Variants in PCDHA5 observed in about 807,000 individuals in gnomAD.
PCDHA5 encodes the protein protocadherin alpha 5.
In PCDHA5, 43 loss-of-function variants were observed where a neutral mutation model predicts 61.6. The observed-to-expected ratio is 0.70, with a 90% CI of 0.55 to 0.90. PCDHA5 has a LOEUF of 0.90. Among genes scored for constraint, PCDHA5 ranks in the 40% least tolerant of loss-of-function variants. The pLI is 0.00. For missense variants in PCDHA5, 1,298 were observed against 1,222.7 expected (o/e 1.06, Z -0.92); for synonymous variants, 627 against 543.9 (o/e 1.15, Z -2.13).
At chr5:140,926,906 G>T in intron 1 of PCDHA5, 1 of 1,559,584 alleles carries the variant, frequency 6.4e-7, no homozygotes, top group Non-Finnish European at 8.7e-7. Context: ...GTGGGCTGTG[G>T]GGTGGCAGTT....
At chr5:140,980,475 C>G (rs538255137) in intron 2 of PCDHA5, among the ~76,000 whole-genome samples, 10 of 152,148 alleles carry the variant, frequency 6.6e-5, no homozygotes, top group African/African-American at 2.2e-4. Context: ...ACTAAAAATA[C>G]AAAAATTAGC....
At chr5:140,884,173 C>T in intron 1 of PCDHA5, 1 of 1,613,432 alleles carries the variant, frequency 6.2e-7, no homozygotes, top group Non-Finnish European at 8.5e-7. Context: ...GCACGACGCG[C>T]CCTCTGGACG....
At chr5:140,886,772 G>A (rs910164045) in intron 1 of PCDHA5, among the ~76,000 whole-genome samples, 16 of 143,450 alleles carry the variant, frequency 1.1e-4, no homozygotes, top group Non-Finnish European at 1.8e-4. Flanking sequence ...GTTGCAGTGA[G>A]ATGAGATCAT....
chr5:140,963,483 T>C (rs1228943699), intron 1 of PCDHA5, among the ~76,000 whole-genome samples: 1 of 152,246 alleles, frequency 6.6e-6, no homozygotes, highest in Non-Finnish European at 1.5e-5. Flanking sequence ...GGTAAATCTC[T>C]TGTGAGGAAA....
rs966554278 is a variant in PCDHA5 at position 140,906,071 on chromosome 5, G to A, written c.2353-72878G>A. On this transcript the variant is annotated intron_variant, in intron 1 of 3. Coordinates refer to ENST00000529859, the MANE Select transcript of PCDHA5 (RefSeq NM_018908.3). ...GGCTGCACTGGCAGCTGATTAGATCGCACCCACCCAGACTGAGAGTAAGTG... is the reference window on the plus strand; with the variant it reads ...GGCTGCACTGGCAGCTGATTAGATCACACCCACCCAGACTGAGAGTAAGTG... 9.2e-5 allele frequency among the ~76,000 whole-genome samples: 14 copies of A among 152,200 alleles called. 1 individual carries two copies. The highest frequency in any genetic ancestry group is 3.9e-4 in the Admixed American group (6 of 15,286).
chr5:140,976,353 C>T (rs1401617354), intron 1 of PCDHA5, among the ~76,000 whole-genome samples: 2 of 151,992 alleles, frequency 1.3e-5, no homozygotes, highest in African/African-American at 2.4e-5. Context: ...GTGTTCAAGA[C>T]CAGCCTGGCC....
chr5:140,968,994 G>A lies in PCDHA5; in HGVS notation c.2353-9955G>A. 6.2e-7 allele frequency: 1 copy of A among 1,614,216 alleles called. No individual in the cohort carries two copies. The highest frequency in any genetic ancestry group is 8.5e-7 in the Non-Finnish European group (1 of 1,180,038). On this transcript the variant is annotated intron_variant, in intron 1 of 3. Transcript: ENST00000529859. ...ACTGCGTATGGCACTGCATGCTGTG[G>A]AGGCTTCTGTGGAGTAAGGGAAAGG...
chr5:140,947,249 C>T (rs1178030042), intron 1 of PCDHA5, among the ~76,000 whole-genome samples: 3 of 151,204 alleles, frequency 2.0e-5, no homozygotes, highest in African/African-American at 7.3e-5. Flanking sequence ...TAAGATAATC[C>T]AATGTACCAT....
intron 1 of PCDHA5, chr5:140,828,026 G>A: frequency 2.0e-6 from 3 of 1,519,410 alleles, no homozygotes; most frequent in Non-Finnish European, 2.6e-6. Context: ...ATAAATTCCG[G>A]AACATACAGT....
chr5:140,905,995 G>C (rs2072280853), intron 1 of PCDHA5, among the ~76,000 whole-genome samples: 1 of 152,114 alleles, frequency 6.6e-6, no homozygotes. Context: ...ATGTAGGCTG[G>C]GAGGCTAAGC....
chr5:140,876,031 G>C, intron 1 of PCDHA5: 2 of 1,613,702 alleles, frequency 1.2e-6, no homozygotes, highest in Non-Finnish European at 1.7e-6. Flanking sequence ...AACAAAAAAA[G>C]ATAAAAGTAT....
At chr5:140,925,383 T>C (rs1554202722) in intron 1 of PCDHA5, among the ~76,000 whole-genome samples, 2 of 152,140 alleles carry the variant, frequency 1.3e-5, no homozygotes, top group African/African-American at 2.4e-5. Flanking sequence ...TCAATGAGTC[T>C]CCTTTTGGCT....
rs375481139 is a variant in PCDHA5 at position 140,894,977 on chromosome 5, C to T, written c.2352+70850C>T. ...AAAAATATAATTTTTTAATGTCTTA[C>T]TTTGTGACATCCTTTACCCTTTTTA... On this transcript the variant is annotated intron_variant, in intron 1 of 3. Coordinates refer to ENST00000529859, the MANE Select transcript of PCDHA5 (RefSeq NM_018908.3). Among the ~76,000 whole-genome samples the T allele has an allele frequency of 4.5e-4, 69 of 152,216 alleles. No homozygotes were observed. The South Asian group carries it at 0.014, about 30-fold the overall frequency.
chr5:141,004,101 T>C (rs2098153096), intron 3 of PCDHA5, among the ~76,000 whole-genome samples: 1 of 152,220 alleles, frequency 6.6e-6, no homozygotes, highest in Admixed American at 6.5e-5. Flanking sequence ...TCCGTTTTCA[T>C]CTTCTTCAAA....
chr5:140,849,984 C>T (rs2150461471), intron 1 of PCDHA5: 2 of 1,597,296 alleles, frequency 1.3e-6, no homozygotes, highest in Non-Finnish European at 1.7e-6. Flanking sequence ...GCTGGTGGAG[C>T]GGCGGTTGGG....
chr5:140,870,562 G>T (rs1554164416), intron 1 of PCDHA5: 1 of 1,613,996 alleles, frequency 6.2e-7, no homozygotes, highest in Non-Finnish European at 8.5e-7. Context: ...GCAGGAGAAC[G>T]CGCTGGTGTC....
intron 1 of PCDHA5, among the ~76,000 whole-genome samples, chr5:140,904,681 A>G (rs1562946233): frequency 6.6e-6 from 1 of 152,192 alleles, no homozygotes; most frequent in South Asian, 2.1e-4. Context: ...CATTCCCACC[A>G]GCAGTGTAAA....
chr5:140,905,980 G>A (rs2072263534), intron 1 of PCDHA5, among the ~76,000 whole-genome samples: 1 of 152,178 alleles, frequency 6.6e-6, no homozygotes, highest in Non-Finnish European at 1.5e-5. Context: ...CAGCATGGGA[G>A]AAAGATGTAG....
intron 2 of PCDHA5, chr5:140,982,242 AAAG>A (rs2096973421): frequency 2.9e-6 from 2 of 701,584 alleles, no homozygotes; most frequent in African/African-American, 3.6e-5. Flanking sequence ...GAATTGCCAT[AAAG>A]ATAGAACATG....
Sources: gnomAD v4.1 joint callset for allele counts (sites outside exome capture counted in the v4.1 genomes callset) on GRCh38, gnomAD v4.1.1 for gene constraint, MANE v1.5 for transcripts, NCBI Gene and HGNC (gene_info 2026-07-23, HGNC 2026-07-21) for gene names.